The following SLC9A7 variants were observed in gnomAD, a reference collection of about 807,000 sequenced individuals.
The protein encoded by SLC9A7 is solute carrier family 9 member A7.
A neutral mutation model predicts 52.6 loss-of-function variants in SLC9A7; 19 were observed. The ratio of observed to expected loss-of-function variants is 0.36; its 90% CI spans 0.25 to 0.53. SLC9A7 has a LOEUF of 0.53. SLC9A7 is among the 20% of genes least tolerant of loss of function. The pLI is 0.91. For missense variants in SLC9A7, 455 were observed against 597.9 expected (o/e 0.76, Z 2.49); for synonymous variants, 226 against 252.1 (o/e 0.90, Z 0.98).
intron 4 of SLC9A7, among the ~76,000 whole-genome samples, chrX:46,672,050 T>C (rs1414894686): frequency 8.9e-6 from 1 of 112,151 alleles, no homozygotes; most frequent in Non-Finnish European, 1.9e-5. Context: ...ATGGACTCAG[T>C]GATACTTACT....
intron 5 of SLC9A7, among the ~76,000 whole-genome samples, chrX:46,664,686 CA>C (rs1336275756): frequency 9.0e-6 from 1 of 111,603 alleles, no homozygotes; most frequent in Non-Finnish European, 1.9e-5. Context: ...TTTAATCACA[CA>C]AATGCACATT....
At chrX:46,611,827 A>G (rs1308971579) in intron 16 of SLC9A7, among the ~76,000 whole-genome samples, 2 of 111,443 alleles carry the variant, frequency 1.8e-5, no homozygotes, top group Non-Finnish European at 3.8e-5. Context: ...TGCATCCTCC[A>G]ATCTCGGCTG....
intron 5 of SLC9A7, among the ~76,000 whole-genome samples, chrX:46,664,066 A>C (rs1225284399): frequency 1.8e-5 from 2 of 111,703 alleles, no homozygotes; most frequent in Non-Finnish European, 3.8e-5. Context: ...GGGCAGGGGC[A>C]ATATCGCCCC....
At chrX:46,721,881 C>T (rs1243162971) in intron 1 of SLC9A7, among the ~76,000 whole-genome samples, 2 of 112,338 alleles carry the variant, frequency 1.8e-5, no homozygotes, top group African/African-American at 3.2e-5. Context: ...AGGCAGTCGG[C>T]GATGTTTGTC....
Position 46,672,565 on chromosome X carries a change from T to A in SLC9A7, c.666A>T (p.Ser222=). ...GGTTCACTTACCCAATAATGAAGCA[T>A]GAAACAGCAGTCCCCAAGAAGGCAT... The part of the protein sequence containing the change: ...LAYAFLGTAV[S]CFIIGNLMYG... Residue 222 remains serine (S), a synonymous_variant, in exon 4 of 17, where the codon TCA becomes TCT. Transcript: ENST00000616978. 1.7e-6 allele frequency: 2 copies of A among 1,206,029 alleles called. No individual in the cohort carries two copies. The highest frequency in any genetic ancestry group is 4.6e-4 in the Middle Eastern group (2 of 4,343).
intron 15 of SLC9A7, among the ~76,000 whole-genome samples, chrX:46,614,681 C>T (rs935563891): frequency 1.8e-5 from 2 of 111,928 alleles, no homozygotes; most frequent in East Asian, 5.6e-4. Flanking sequence ...TGAATATCAG[C>T]GCTACCAAAC....
intron 4 of SLC9A7, among the ~76,000 whole-genome samples, chrX:46,671,412 C>T (rs2146841698): frequency 9.2e-6 from 1 of 109,116 alleles, no homozygotes; most frequent in Non-Finnish European, 1.9e-5. Context: ...AGGCGCCCGC[C>T]ACCACTCCCG....
intron 15 of SLC9A7, among the ~76,000 whole-genome samples, chrX:46,614,984 A>G (rs1432846678): frequency 2.7e-5 from 3 of 112,577 alleles, no homozygotes; most frequent in African/African-American, 9.7e-5. Flanking sequence ...ACACTGGAGC[A>G]TGCTTCTAGT....
Position 46,631,588 on chromosome X carries a change from C to A in SLC9A7, c.1738G>T (p.Gly580Trp). 1.7e-6 allele frequency: 2 copies of A among 1,207,567 alleles called. No homozygotes were observed. Among genetic ancestry groups the A allele is most frequent in the Non-Finnish European group, 2.2e-6 (2 of 891,997 alleles). Residue 580 changes from glycine (G) to tryptophan (W), a missense_variant and splice_region_variant, in exon 14 of 17, where the codon GGG (glycine) becomes TGG (tryptophan). Coordinates refer to ENST00000616978, the MANE Select transcript of SLC9A7 (RefSeq NM_001257291.2). ...AAGAAGCATCTCTTGTGACTTACCCCTTGTAAGACTTGAAAGCTGTCGTTG... is the reference window on the plus strand; with the variant it reads ...AAGAAGCATCTCTTGTGACTTACCCATTGTAAGACTTGAAAGCTGTCGTTG... ...PNNDSFQVLQ[G>W]DGPDSARGNR...
chrX:46,678,451 T>TA (rs55848911), intron 3 of SLC9A7, among the ~76,000 whole-genome samples: 22 of 108,881 alleles, frequency 2.0e-4, no homozygotes, highest in African/African-American at 6.7e-4. Context: ...TTTATTTATT[T>TA]TTAGAGACCG....
chrX:46,734,783 A>ATACGAT (rs1945096059), intron 1 of SLC9A7, among the ~76,000 whole-genome samples: 1 of 111,448 alleles, frequency 9.0e-6, no homozygotes, highest in African/African-American at 3.3e-5. Flanking sequence ...CAATTTAAGC[A>ATACGAT]TACGATTCAA....
intron 1 of SLC9A7, among the ~76,000 whole-genome samples, chrX:46,690,368 G>A (rs761281743): frequency 4.5e-5 from 5 of 111,984 alleles, no homozygotes; most frequent in Non-Finnish European, 9.4e-5. Flanking sequence ...TGTACTTATT[G>A]GCAATCCTAA....
At chrX:46,636,990 C>G (rs762414179) in intron 12 of SLC9A7, among the ~76,000 whole-genome samples, 9 of 111,791 alleles carry the variant, frequency 8.1e-5, no homozygotes, top group Non-Finnish European at 1.3e-4. Context: ...GAAAAACAAG[C>G]CAGATTCCTT....
chrX:46,684,318 C>A (rs1395156210), intron 1 of SLC9A7, among the ~76,000 whole-genome samples: 1 of 111,369 alleles, frequency 9.0e-6, no homozygotes, highest in Non-Finnish European at 1.9e-5. Flanking sequence ...AATTCTCCTG[C>A]CTCAGCCTCC....
At chrX:46,728,687 G>A (rs1944981626) in intron 1 of SLC9A7, among the ~76,000 whole-genome samples, 1 of 112,052 alleles carries the variant, frequency 8.9e-6, no homozygotes, top group Admixed American at 9.5e-5. Context: ...AGACATGTAA[G>A]CAAATGTTCA....
At chrX:46,726,498 A>T (rs921130881) in intron 1 of SLC9A7, among the ~76,000 whole-genome samples, 1 of 110,424 alleles carries the variant, frequency 9.1e-6, no homozygotes, top group Non-Finnish European at 1.9e-5. Context: ...AAGGCAGATG[A>T]TCCTCCCTAT....
At chrX:46,730,670 T>TATA (rs1491295251) in intron 1 of SLC9A7, among the ~76,000 whole-genome samples, 9 of 42,918 alleles carry the variant, frequency 2.1e-4, no homozygotes, top group Admixed American at 5.0e-4. Context: ...AAAAAAAAAA[T>TATA]TATATATATA....
Position 46,648,816 on chromosome X carries a change from GT to G in SLC9A7, c.1351-20del. 2.7e-6 allele frequency: 3 copies of G among 1,115,731 alleles called. No individual in the cohort carries two copies. Among genetic ancestry groups the G allele is most frequent in the Non-Finnish European group, 3.7e-6 (3 of 810,449 alleles). The allele number at this position is 1,115,731 out of a possible 1,213,427, so 91.9% of individuals were successfully genotyped here. On this transcript the variant is annotated intron_variant, in intron 10 of 16. Coordinates refer to ENST00000616978, the MANE Select transcript of SLC9A7 (RefSeq NM_001257291.2). ...TGGCAACCTGACCACAAGGTAGAAG[GT>G]TAAGGGACCAACAGTTTCCAGAATG...
intron 15 of SLC9A7, among the ~76,000 whole-genome samples, chrX:46,620,748 G>A (rs1830157592): frequency 8.9e-6 from 1 of 112,177 alleles, no homozygotes; most frequent in South Asian, 3.7e-4. Context: ...AGTCTACCAG[G>A]CTGTGGGCTG....
Sources: gnomAD v4.1 joint callset for allele counts (sites outside exome capture counted in the v4.1 genomes callset) on GRCh38, gnomAD v4.1.1 for gene constraint, MANE v1.5 for transcripts, NCBI Gene and HGNC (gene_info 2026-07-23, HGNC 2026-07-21) for gene names.